Variants in EPM2A observed in about 807,000 individuals in gnomAD.
The protein encoded by EPM2A is laforin.
In EPM2A, 21 loss-of-function variants were observed where a neutral mutation model predicts 26.5. The observed-to-expected ratio is 0.79, with a 90% confidence interval of 0.56 to 1.14. EPM2A has a LOEUF of 1.14. Ranked by LOEUF, EPM2A falls within the 50% of genes most tolerant of loss-of-function variation. The pLI is 0.00. For missense variants in EPM2A, 458 were observed against 440.8 expected, an observed-to-expected ratio of 1.04 and a Z score of -0.35; for synonymous variants, 217 against 177.6, an observed-to-expected ratio of 1.22 and a Z score of -1.76.
chr6:145,444,016 G>C (rs565984267), intron 4 of EPM2A, among the ~76,000 whole-genome samples: 1 of 152,160 alleles, frequency 6.6e-6, no homozygotes, highest in Non-Finnish European at 1.5e-5. Context: ...CCCAGTTTTG[G>C]ATATGCCTTT....
At chr6:145,441,318 C>A (rs1263062825) in intron 4 of EPM2A, among the ~76,000 whole-genome samples, 5 of 152,188 alleles carry the variant, frequency 3.3e-5, no homozygotes, top group African/African-American at 1.2e-4. Context: ...GAAGAAGGAC[C>A]CTGGGCCCTA....
At chr6:145,585,129 A>G (rs1411089071) in intron 2 of EPM2A, among the ~76,000 whole-genome samples, 1 of 152,072 alleles carries the variant, frequency 6.6e-6, no homozygotes, top group Non-Finnish European at 1.5e-5. Context: ...GAGTGCTTTT[A>G]AGATTTTTTT....
intron 4 of EPM2A, among the ~76,000 whole-genome samples, chr6:145,469,687 G>A (rs1779448109): frequency 6.6e-6 from 1 of 152,060 alleles, no homozygotes; most frequent in South Asian, 2.1e-4. Flanking sequence ...CCAAAAGAAA[G>A]CAAATCAGTA....
chr6:145,711,708 T>A (rs1057296271), intron 1 of EPM2A, among the ~76,000 whole-genome samples: 1 of 152,158 alleles, frequency 6.6e-6, no homozygotes, highest in African/African-American at 2.4e-5. Flanking sequence ...TAACAGATAA[T>A]TCCATTAAAT....
At chr6:145,407,556 T>C (rs1339411854) in intron 4 of EPM2A, among the ~76,000 whole-genome samples, 2 of 152,216 alleles carry the variant, frequency 1.3e-5, no homozygotes, top group African/African-American at 2.4e-5. Context: ...AGCTTTCCTA[T>C]AATTGTGAGG....
chr6:145,386,220 C>T (rs964928219), intron 4 of EPM2A, among the ~76,000 whole-genome samples: 3 of 152,072 alleles, frequency 2.0e-5, no homozygotes, highest in Non-Finnish European at 2.9e-5. Context: ...CCTAGCTCAG[C>T]GTTTTGCTCA....
At chr6:145,677,368 G>A (rs976364591) in intron 2 of EPM2A, among the ~76,000 whole-genome samples, 7 of 152,056 alleles carry the variant, frequency 4.6e-5, no homozygotes, top group East Asian at 1.9e-4. Flanking sequence ...TTTGAAAACC[G>A]GCACAAGACA....
intron 2 of EPM2A, among the ~76,000 whole-genome samples, chr6:145,593,393 G>A (rs1490750768): frequency 6.6e-6 from 1 of 151,986 alleles, no homozygotes; most frequent in South Asian, 2.1e-4. Context: ...ACATCAGTAA[G>A]GATTTTTTTG....
intron 2 of EPM2A, among the ~76,000 whole-genome samples, chr6:145,650,114 A>AAG (rs769519547): frequency 2.6e-4 from 40 of 152,302 alleles, no homozygotes; most frequent in Admixed American, 4.6e-4. Context: ...TCACAGATAG[A>AAG]AGAGCTGCTG....
chr6:145,532,677 A>G (rs1780374821), intron 2 of EPM2A, among the ~76,000 whole-genome samples: 2 of 152,174 alleles, frequency 1.3e-5, no homozygotes, highest in South Asian at 2.1e-4. Flanking sequence ...GACAAGCATA[A>G]TATCTGTGTC....
intron 4 of EPM2A, among the ~76,000 whole-genome samples, chr6:145,461,771 G>A (rs1779331338): frequency 6.6e-6 from 1 of 152,190 alleles, no homozygotes; most frequent in Admixed American, 6.5e-5. Flanking sequence ...AGGCAATAGT[G>A]AGCCCCAGCT....
At chr6:145,583,466 G>A (rs1781143273) in intron 2 of EPM2A, among the ~76,000 whole-genome samples, 1 of 152,110 alleles carries the variant, frequency 6.6e-6, no homozygotes, top group South Asian at 2.1e-4. Context: ...TTCTAACTCT[G>A]GAGGGCTGGT....
At chr6:145,607,898 A>T (rs1037667096) in intron 2 of EPM2A, among the ~76,000 whole-genome samples, 9 of 152,236 alleles carry the variant, frequency 5.9e-5, no homozygotes, top group Non-Finnish European at 1.5e-5. Flanking sequence ...AATTACATTT[A>T]TACTTCAAAG....
chr6:145,677,452 G>A (rs1393013278), intron 2 of EPM2A, among the ~76,000 whole-genome samples: 1 of 152,160 alleles, frequency 6.6e-6, no homozygotes, highest in Non-Finnish European at 1.5e-5. Context: ...GCAAGAGAAA[G>A]AAATAAAGGG....
chr6:145,645,187 C>T (rs1777367594), intron 2 of EPM2A, among the ~76,000 whole-genome samples: 1 of 152,126 alleles, frequency 6.6e-6, no homozygotes, highest in East Asian at 1.9e-4. Flanking sequence ...GAGTGAAGTG[C>T]TTAATTGGTA....
At chr6:145,612,857 T>A (rs1439904884) in intron 2 of EPM2A, among the ~76,000 whole-genome samples, 2 of 151,906 alleles carry the variant, frequency 1.3e-5, no homozygotes, top group African/African-American at 4.8e-5. Context: ...TGGAGGAGGA[T>A]CTTGCCTCAA....
intron 2 of EPM2A, among the ~76,000 whole-genome samples, chr6:145,662,918 G>A (rs542351484): frequency 2.0e-5 from 3 of 152,208 alleles, no homozygotes; most frequent in African/African-American, 4.8e-5. Flanking sequence ...GCAAAAAATT[G>A]CTGTCAAAAT....
intron 4 of EPM2A, among the ~76,000 whole-genome samples, chr6:145,398,485 T>C (rs1283460417): frequency 6.6e-6 from 1 of 152,166 alleles, no homozygotes; most frequent in African/African-American, 2.4e-5. Context: ...TTAGTTAAAT[T>C]GTCTCAAAGT....
At chr6:145,605,650 G>C (rs1775230695) in intron 2 of EPM2A, among the ~76,000 whole-genome samples, 1 of 152,104 alleles carries the variant, frequency 6.6e-6, no homozygotes, top group Non-Finnish European at 1.5e-5. Context: ...ATATTCTTAA[G>C]CAGAGAAAGA....
Sources: allele counts gnomAD v4.1 joint callset (sites outside exome capture counted in the v4.1 genomes callset), GRCh38; gene constraint gnomAD v4.1.1; transcripts MANE v1.5; gene names NCBI Gene and HGNC (gene_info 2026-07-23, HGNC 2026-07-21).